Variants in ROBO2 observed in about 807,000 individuals in gnomAD.
ROBO2 encodes roundabout homolog 2.
ROBO2 carries 53 observed loss-of-function variants against 160.8 expected under a neutral mutation model. That is an observed-to-expected ratio of 0.33 (90% CI 0.26 to 0.41). The LOEUF (loss-of-function observed/expected upper bound fraction) is 0.41, where lower values mean the gene tolerates loss of function less well. ROBO2 is among the 10% of genes least tolerant of loss of function. The pLI, the probability that ROBO2 is intolerant of heterozygous loss-of-function variation, is 1.00. For missense variants in ROBO2, 1,577 were observed against 1,722.4 expected, an observed-to-expected ratio of 0.92 and a Z score of 1.49; for synonymous variants, 664 against 611.7, an observed-to-expected ratio of 1.09 and a Z score of -1.26.
At position 77,320,784 on chromosome 3, in the gene ROBO2, G is replaced by A. The variant is rs141737322; in HGVS notation, c.389-156630G>A. Among the ~76,000 whole-genome samples the A allele has an allele frequency of 4.6e-3, 703 of 152,166 alleles. 5 individuals are homozygous for A. Among genetic ancestry groups the A allele is most frequent in the African/African-American group, 0.016 (674 of 41,548 alleles). On this transcript the variant is annotated intron_variant, in intron 2 of 25. Coordinates refer to ENST00000461745, the Ensembl canonical transcript of ROBO2. Reference sequence around the variant, plus strand: ...GGTACTTCACTTGTAGACTACAAGCGATTTAAAAAAATATATTTTTTGTTA... The same window carrying A: ...GGTACTTCACTTGTAGACTACAAGCAATTTAAAAAAATATATTTTTTGTTA...
intron 2 of ROBO2, among the ~76,000 whole-genome samples, chr3:76,515,392 CT>C (rs34693797): frequency 5.9e-5 from 9 of 151,750 alleles, no homozygotes; most frequent in East Asian, 1.9e-4. Context: ...TGTATATTTC[CT>C]TTTTTTCCCC....
intron 2 of ROBO2, among the ~76,000 whole-genome samples, chr3:76,647,471 C>A (rs1354227787): frequency 6.6e-6 from 1 of 152,066 alleles, no homozygotes; most frequent in Non-Finnish European, 1.5e-5. Context: ...TGTGCCTGGG[C>A]TGAGAAACAC....
chr3:77,609,342 T>C (rs2094582222), intron 21 of ROBO2, among the ~76,000 whole-genome samples: 1 of 152,010 alleles, frequency 6.6e-6, no homozygotes, highest in African/African-American at 2.4e-5. Flanking sequence ...GTCACATAAA[T>C]CATGAGCAAA....
chr3:77,010,257 C>T (rs2061801602), intron 2 of ROBO2, among the ~76,000 whole-genome samples: 2 of 151,956 alleles, frequency 1.3e-5, no homozygotes, highest in Admixed American at 1.3e-4. Context: ...AACTTGATTC[C>T]CCTCATTCTC....
At chr3:75,983,850 C>T (rs1005586882) in intron 2 of ROBO2, among the ~76,000 whole-genome samples, 3 of 151,428 alleles carry the variant, frequency 2.0e-5, no homozygotes, top group African/African-American at 7.2e-5. Context: ...TGTCAAAAGT[C>T]TGGAAAACAC....
chr3:76,925,267 A>G (rs111374335), intron 2 of ROBO2, among the ~76,000 whole-genome samples: 2 of 151,314 alleles, frequency 1.3e-5, no homozygotes, highest in African/African-American at 2.5e-5. Flanking sequence ...TAAAATAAAT[A>G]TTTGTTGGAT....
At chr3:76,695,887 T>C (rs1360750712) in intron 2 of ROBO2, among the ~76,000 whole-genome samples, 3 of 152,218 alleles carry the variant, frequency 2.0e-5, no homozygotes, top group Non-Finnish European at 4.4e-5. Context: ...AAGATATGGA[T>C]ATCCAGGCAG....
rs146729338 is a variant in ROBO2 at position 76,339,262 on chromosome 3, G to T, written c.109+401660G>T. Among the ~76,000 whole-genome samples the T allele has an allele frequency of 4.6e-5, 7 of 152,196 alleles. No individual in the cohort carries two copies. In the East Asian group the frequency reaches 1.4e-3, roughly 29 times the overall value. ...CTGATGCACCTGATTGTGTGTACTT[G>T]TAAATACAGCTTCCTAGGCAATAGA... On this transcript the variant is annotated intron_variant, in intron 2 of 26. Transcript: ENST00000487694.
intron 2 of ROBO2, among the ~76,000 whole-genome samples, chr3:76,765,927 G>A (rs2061555111): frequency 6.6e-6 from 1 of 151,662 alleles, no homozygotes; most frequent in Non-Finnish European, 1.5e-5. Flanking sequence ...AATCAACCTA[G>A]CGTCAGGATT....
intron 7 of ROBO2, among the ~76,000 whole-genome samples, chr3:77,549,045 A>C (rs572155625): frequency 6.6e-6 from 1 of 152,092 alleles, no homozygotes. Context: ...AATGCCAATT[A>C]GCTCTAATAG....
chr3:77,564,883 C>G, intron 11 of ROBO2, 71 bp from the exon 13 acceptor site: 1 of 1,405,408 alleles, frequency 7.1e-7, no homozygotes, highest in Admixed American at 1.9e-5. Flanking sequence ...TAACCTTTGT[C>G]ATTGATACCC....
intron 2 of ROBO2, among the ~76,000 whole-genome samples, chr3:76,004,004 A>C (rs1413598306): frequency 6.6e-6 from 1 of 152,200 alleles, no homozygotes; most frequent in Non-Finnish European, 1.5e-5. Flanking sequence ...AGTTTCTTTT[A>C]AATTTAAATA....
At chr3:77,441,976 T>C (rs1176668677) in intron 2 of ROBO2, among the ~76,000 whole-genome samples, 1 of 152,158 alleles carries the variant, frequency 6.6e-6, no homozygotes, top group Non-Finnish European at 1.5e-5. Context: ...CCACAACACA[T>C]TTTAGACTTG....
intron 2 of ROBO2, among the ~76,000 whole-genome samples, chr3:76,438,424 AC>A (rs2076780467): frequency 1.3e-5 from 2 of 151,850 alleles, no homozygotes; most frequent in African/African-American, 4.8e-5. Flanking sequence ...ACACACACAC[AC>A]ACACACACAC....
chr3:77,005,048 A>AAACAGAACAG (rs74740387), intron 2 of ROBO2, among the ~76,000 whole-genome samples: 1 of 123,802 alleles, frequency 8.1e-6, no homozygotes, highest in Non-Finnish European at 1.9e-5. Flanking sequence ...GCCTAAAACA[A>AAACAGAACAG]AACAGAACAG....
intron 6 of ROBO2, 73 bp from the exon 7 acceptor site, chr3:77,527,330 C>G (rs1185768037): frequency 1.7e-5 from 19 of 1,097,244 alleles, no homozygotes; most frequent in Non-Finnish European, 2.2e-5. Context: ...ACACATCATG[C>G]ATTCTGATAA....
At chr3:77,649,503 A>G (rs1313636346) in exon 26 of ROBO2, 3 of 152,098 alleles carry the variant, frequency 2.0e-5, no homozygotes, top group Admixed American at 2.0e-4. Flanking sequence ...AATATTCACT[A>G]ATTTGTTCAT....
Position 76,242,349 on chromosome 3 carries a change from C to G in ROBO2, c.109+304747C>G, listed in dbSNP as rs189687866. On this transcript the variant is annotated intron_variant, in intron 2 of 26. Transcript: ENST00000487694. ...CCTTCACCCTATGGAGCGGGGCAGT[C>G]TCAGCTACTACCTTGTACTATTATA... Among the ~76,000 whole-genome samples the G allele has an allele frequency of 5.8e-4, 88 of 152,262 alleles. No homozygotes were observed. The East Asian group carries it at 0.017, about 29-fold the overall frequency.
chr3:77,093,051 C>T (rs1342508399), intron 1 of ROBO2, among the ~76,000 whole-genome samples: 1 of 152,022 alleles, frequency 6.6e-6, no homozygotes, highest in Non-Finnish European at 1.5e-5. Flanking sequence ...CCTCATCCCC[C>T]TTCTCTTCCC....
Sources: allele counts gnomAD v4.1 joint callset (sites outside exome capture counted in the v4.1 genomes callset), GRCh38; gene constraint gnomAD v4.1.1; transcripts MANE v1.5; gene names NCBI Gene and HGNC (gene_info 2026-07-23, HGNC 2026-07-21).